SPECC1: variants seen among roughly 807,000 people sequenced by gnomAD.
SPECC1 encodes the protein sperm antigen with calponin homology and coiled-coil domains 1.
SPECC1 carries 62 observed loss-of-function variants against 104.1 expected under a neutral mutation model. The ratio of observed to expected loss-of-function variants is 0.60; its 90% confidence interval spans 0.49 to 0.74. SPECC1 has a LOEUF of 0.74. SPECC1 is among the 30% of genes least tolerant of loss of function. The pLI, the probability that SPECC1 is intolerant of heterozygous loss-of-function variation, is 0.00. For synonymous variants in SPECC1, 513 were observed against 501.6 expected, an observed-to-expected ratio of 1.02 and a Z score of -0.30; for missense variants, 1,306 against 1,310.5, an observed-to-expected ratio of 1.00 and a Z score of 0.05.
intron 14 of SPECC1, among the ~76,000 whole-genome samples, chr17:20,310,820 A>C (rs1035728259): frequency 6.6e-6 from 1 of 152,208 alleles, no homozygotes; most frequent in African/African-American, 2.4e-5. Flanking sequence ...GCTGTGCTTA[A>C]ATAGCTAATT....
intron 3 of SPECC1, among the ~76,000 whole-genome samples, chr17:20,181,437 T>C (rs975501411): frequency 2.7e-4 from 41 of 152,246 alleles, no homozygotes; most frequent in African/African-American, 8.7e-4. Flanking sequence ...AATCCATTGT[T>C]ATAGGTATGG....
intron 3 of SPECC1, among the ~76,000 whole-genome samples, chr17:20,135,854 G>A (rs1452543597): frequency 6.6e-6 from 1 of 152,186 alleles, no homozygotes; most frequent in Non-Finnish European, 1.5e-5. Context: ...GTAATGAGAA[G>A]ACCATAAGAA....
At chr17:20,112,551 G>A (rs2048545429) in intron 3 of SPECC1, 1 of 787,866 alleles carries the variant, frequency 1.3e-6, no homozygotes, top group African/African-American at 1.7e-5. Context: ...AAAATGGCCA[G>A]TTTAAGCCGC....
intron 1 of SPECC1, among the ~76,000 whole-genome samples, chr17:20,067,828 C>T (rs565136720): frequency 2.0e-5 from 3 of 152,028 alleles, no homozygotes; most frequent in Non-Finnish European, 4.4e-5. Flanking sequence ...GAACATTACC[C>T]CCCCGCCCCG....
intron 13 of SPECC1, 117 bp downstream of exon 13, chr17:20,297,194 C>A: frequency 1.3e-6 from 1 of 777,890 alleles, no homozygotes; most frequent in South Asian, 1.7e-5. Flanking sequence ...ATATTGATAC[C>A]AGGTACAGAT....
At chr17:20,178,249 G>A (rs1001873459) in intron 3 of SPECC1, among the ~76,000 whole-genome samples, 3 of 152,056 alleles carry the variant, frequency 2.0e-5, no homozygotes, top group Admixed American at 2.0e-4. Flanking sequence ...GTTTCCTCAG[G>A]GCAGGAGTGC....
At chr17:20,114,051 G>T (rs1193189652) in intron 3 of SPECC1, among the ~76,000 whole-genome samples, 1 of 151,996 alleles carries the variant, frequency 6.6e-6, no homozygotes, top group Non-Finnish European at 1.5e-5. Flanking sequence ...TGGGGAATGA[G>T]GAATTTTAAA....
intron 4 of SPECC1, among the ~76,000 whole-genome samples, chr17:20,225,116 G>A (rs919445436): frequency 2.0e-4 from 30 of 151,954 alleles, no homozygotes; most frequent in African/African-American, 6.8e-4. Flanking sequence ...GGGGCTTCAG[G>A]AATCTGCTTA....
At chr17:20,294,590 G>A (rs1161533144) in intron 12 of SPECC1, among the ~76,000 whole-genome samples, 2 of 151,738 alleles carry the variant, frequency 1.3e-5, no homozygotes, top group South Asian at 4.2e-4. Flanking sequence ...TGATGACGGT[G>A]GTGGGGATGA....
intron 10 of SPECC1, 36 bp downstream of exon 10, chr17:20,253,622 C>T (rs780434975): frequency 1.9e-6 from 3 of 1,590,552 alleles, no homozygotes; most frequent in Non-Finnish European, 2.6e-6. Context: ...TTTGACTTAT[C>T]TTTCCGTGCA....
At chr17:20,291,014 TA>T (rs2041145066) in intron 12 of SPECC1, among the ~76,000 whole-genome samples, 2 of 152,208 alleles carry the variant, frequency 1.3e-5, no homozygotes, top group African/African-American at 4.8e-5. Flanking sequence ...AAGAAGGATT[TA>T]GCAAGTGTTA....
chr17:20,144,175 C>CTTTCTTTTT (rs2031184892), intron 3 of SPECC1, among the ~76,000 whole-genome samples: 1 of 94,408 alleles, frequency 1.1e-5, no homozygotes, highest in Admixed American at 1.2e-4. Flanking sequence ...TTTTTCTTTT[C>CTTTCTTTTT]TTTTTTTTTT....
chr17:20,039,530 A>C (rs1372540126), intron 1 of SPECC1, among the ~76,000 whole-genome samples: 1 of 152,140 alleles, frequency 6.6e-6, no homozygotes, highest in Non-Finnish European at 1.5e-5. Context: ...AATTTCAACC[A>C]ACATATGTTG....
intron 3 of SPECC1, among the ~76,000 whole-genome samples, chr17:20,174,824 T>C (rs1859407): frequency 0.42 from 64,249 of 151,808 alleles, 14,237 homozygotes; most frequent in East Asian, 0.8. Context: ...ACCTGACTCA[T>C]TTTCTTCCGC....
chr17:20,203,948 T>A (rs758642264), intron 3 of SPECC1, among the ~76,000 whole-genome samples: 1 of 152,244 alleles, frequency 6.6e-6, no homozygotes, highest in African/African-American at 2.4e-5. Flanking sequence ...ACCTTCCTCT[T>A]GAAAGGGCAG....
chr17:20,303,908 G>A (rs1473230595), intron 13 of SPECC1, among the ~76,000 whole-genome samples: 10 of 151,518 alleles, frequency 6.6e-5, no homozygotes, highest in Admixed American at 3.3e-4. Context: ...AGCCGAGATC[G>A]TGCCACTGCA....
chr17:20,265,424 T>C (rs1463031332), intron 12 of SPECC1, among the ~76,000 whole-genome samples: 2 of 152,226 alleles, frequency 1.3e-5, no homozygotes, highest in African/African-American at 4.8e-5. Context: ...AGGTGACTGT[T>C]CATTTCCTTT....
chr17:20,240,656 C>G (rs2039162265), intron 7 of SPECC1, among the ~76,000 whole-genome samples: 1 of 152,178 alleles, frequency 6.6e-6, no homozygotes. Context: ...CCTTTGTCCA[C>G]TGAATTGAAA....
chr17:20,061,221 G>A (rs867970945), intron 1 of SPECC1, among the ~76,000 whole-genome samples: 1 of 152,070 alleles, frequency 6.6e-6, no homozygotes, highest in Non-Finnish European at 1.5e-5. Context: ...ACAGGTGCCC[G>A]CCACCACGCC....
Sources: gnomAD v4.1 joint callset for allele counts (sites outside exome capture counted in the v4.1 genomes callset) on GRCh38, gnomAD v4.1.1 for gene constraint, MANE v1.5 for transcripts, NCBI Gene and HGNC (gene_info 2026-07-23, HGNC 2026-07-21) for gene names.